HEATR5A: variants seen among roughly 807,000 people sequenced by gnomAD.
The protein encoded by HEATR5A is HEAT repeat-containing protein 5A.
In HEATR5A, 178 loss-of-function variants were observed where a neutral mutation model predicts 218.8. That is an observed-to-expected ratio of 0.81 (90% CI 0.72 to 0.92). The LOEUF is 0.92. Ranked by LOEUF, HEATR5A falls within the 40% of genes least tolerant of loss-of-function variation. The pLI is 0.00. For synonymous variants in HEATR5A, 864 were observed against 871.6 expected, an observed-to-expected ratio of 0.99 and a Z score of 0.15; for missense variants, 2,420 against 2,418.9, an observed-to-expected ratio of 1.00 and a Z score of -0.01.
At chr14:31,359,615 T>C (rs1342356434) in intron 14 of HEATR5A, among the ~76,000 whole-genome samples, 1 of 148,454 alleles carries the variant, frequency 6.7e-6, no homozygotes, top group African/African-American at 2.5e-5. Flanking sequence ...TAACCCCAGC[T>C]ACTCAGAGAC....
chr14:31,302,938 CAAAAAAAA>C (rs747481722), intron 32 of HEATR5A, among the ~76,000 whole-genome samples: 55 of 102,202 alleles, frequency 5.4e-4, no homozygotes, highest in South Asian at 3.4e-3. Context: ...TTCATCTTTA[CAAAAAAAA>C]AAAAAAAAAA....
Position 31,293,966 on chromosome 14 carries a change from T to C in HEATR5A, c.5758A>G (p.Thr1920Ala), listed in dbSNP as rs189196860. The change falls in exon 35 of 36, where the codon ACT (threonine) becomes GCT (alanine). Residue 1920 changes from threonine (T) to alanine (A), a missense_variant. Coordinates refer to ENST00000543095, the MANE Select transcript of HEATR5A (RefSeq NM_015473.4). ...TCTTGGAAGATCTCAAGCTCAGCAG[T>C]GTTTTCAGGTTTTCTCTTGTCTATT... ...QEIDKRKPEN[T>A]AELEIFQEGI... is the part of the protein sequence containing the mutation. 8 of 1,607,792 alleles carry C rather than the reference T, an allele frequency of 5.0e-6. No homozygotes were observed. Among genetic ancestry groups the C allele is most frequent in the Middle Eastern group, 1.7e-4 (1 of 6,058 alleles).
chr14:31,382,836 CT>C (rs951642585), intron 10 of HEATR5A, among the ~76,000 whole-genome samples: 1 of 150,386 alleles, frequency 6.6e-6, no homozygotes, highest in African/African-American at 2.4e-5. Context: ...ATCATGCCAT[CT>C]TTGATCAGTG....
chr14:31,335,541 G>C (rs778637872), intron 22 of HEATR5A, among the ~76,000 whole-genome samples: 3 of 152,118 alleles, frequency 2.0e-5, no homozygotes, highest in Non-Finnish European at 4.4e-5. Flanking sequence ...AAAGAGCATA[G>C]ATTACTGATA....
intron 9 of HEATR5A, among the ~76,000 whole-genome samples, chr14:31,385,476 T>C (rs568067028): frequency 2.0e-5 from 3 of 152,302 alleles, no homozygotes; most frequent in Middle Eastern, 3.4e-3. Context: ...GCAAGTCATT[T>C]ATGACCATAT....
chr14:31,415,186 A>T (rs1005132855), intron 1 of HEATR5A, among the ~76,000 whole-genome samples: 5 of 152,068 alleles, frequency 3.3e-5, no homozygotes, highest in African/African-American at 1.2e-4. Flanking sequence ...TAGCTACCTA[A>T]CCTAAAATTT....
At position 31,312,977 on chromosome 14, in the gene HEATR5A, G is replaced by A. The variant is rs1899806074; in HGVS notation, c.4432C>T (p.Pro1478Ser). The change falls in exon 28 of 36, where the codon CCT (proline) becomes TCT (serine). Residue 1478 changes from proline to serine, a missense_variant. Transcript: ENST00000543095. ...TATTTTATCTCCTTACCTTCAGCAG[G>A]AAGTTGGGAGGCAAATTCTGAAGGC... ...TLPSEFASQLPAEGGAFYTAE... is the reference protein window; with the variant it reads ...TLPSEFASQLSAEGGAFYTAE... The A allele has an allele frequency of 4.3e-6, 7 of 1,609,554 alleles. No individual in the cohort carries two copies. The highest frequency in any genetic ancestry group is 6.0e-6 in the Non-Finnish European group (7 of 1,175,976).
At chr14:31,320,594 A>G in intron 25 of HEATR5A, 1 of 765,810 alleles carries the variant, frequency 1.3e-6, no homozygotes, top group East Asian at 2.7e-5. Flanking sequence ...ACAACAGCAG[A>G]TCAGAGCTGG....
At chr14:31,334,515 A>G in intron 22 of HEATR5A, 1 of 448,494 alleles carries the variant, frequency 2.2e-6, no homozygotes, top group Non-Finnish European at 4.5e-6. Flanking sequence ...ATAAAGTGGT[A>G]GCAGGTTTGA....
chr14:31,363,475 A>G (rs1344448482), intron 14 of HEATR5A, among the ~76,000 whole-genome samples: 1 of 152,178 alleles, frequency 6.6e-6, no homozygotes, highest in Non-Finnish European at 1.5e-5. Flanking sequence ...TTACTTAGAA[A>G]AGGCAGCAGC....
At chr14:31,372,562 C>T (rs1195617256) in intron 12 of HEATR5A, among the ~76,000 whole-genome samples, 4 of 152,134 alleles carry the variant, frequency 2.6e-5, no homozygotes, top group African/African-American at 7.2e-5. Flanking sequence ...GGCGCAGTGG[C>T]TCACACCCGT....
intron 33 of HEATR5A, among the ~76,000 whole-genome samples, chr14:31,298,050 T>G (rs1015900937): frequency 6.6e-6 from 1 of 152,220 alleles, no homozygotes; most frequent in Non-Finnish European, 1.5e-5. Flanking sequence ...TCTTTATTCC[T>G]ACTCTCTTTT....
In HEATR5A at chr14:31,395,203, G is replaced by A. The variant is rs550839386; in HGVS notation, c.593C>T (p.Ala198Val). 6.2e-5 allele frequency: 93 copies of A among 1,504,774 alleles called. No homozygotes were observed. In the African/African-American group the frequency reaches 1.2e-3, roughly 19 times the overall value. The allele number at this position is 1,504,774 out of a possible 1,614,324, so 93.2% of individuals were successfully genotyped here. ...DRSMAVRCAA[A>V]KCLLELQNEA... is the part of the protein sequence containing the mutation. ...CTGCTTATTAGATCATTTTACCTTT[G>A]CAGCAGCACAACGAACAGCCATGGA... The change falls in exon 5 of 36, where the codon GCA becomes GTA. Residue 198 changes from alanine to valine, a missense_variant. Transcript: ENST00000543095.
chr14:31,416,727 T>C (rs1405144818), intron 1 of HEATR5A, among the ~76,000 whole-genome samples: 1 of 152,202 alleles, frequency 6.6e-6, no homozygotes, highest in East Asian at 1.9e-4. Flanking sequence ...TAAATATGTC[T>C]GATTTCTTGT....
At chr14:31,417,260 C>G (rs764725236) in intron 1 of HEATR5A, among the ~76,000 whole-genome samples, 2 of 151,988 alleles carry the variant, frequency 1.3e-5, no homozygotes, top group Non-Finnish European at 1.5e-5. Context: ...CTTCCCTAGA[C>G]TTACAAAAGG....
intron 2 of HEATR5A, among the ~76,000 whole-genome samples, chr14:31,400,841 ATTG>A (rs2030846600): frequency 1.6e-5 from 1 of 63,690 alleles, no homozygotes; most frequent in Non-Finnish European, 2.9e-5. Context: ...TATTATTATT[ATTG>A]TTTTTTTTTT....
At chr14:31,369,631 A>C (rs1488538619) in intron 13 of HEATR5A, among the ~76,000 whole-genome samples, 3 of 148,598 alleles carry the variant, frequency 2.0e-5, no homozygotes, top group African/African-American at 2.5e-5. Flanking sequence ...AAAAAAAAAA[A>C]AAAAACCCAA....
chr14:31,319,548 A>C (rs1900021195), intron 25 of HEATR5A, among the ~76,000 whole-genome samples: 1 of 152,186 alleles, frequency 6.6e-6, no homozygotes, highest in Non-Finnish European at 1.5e-5. Context: ...GAAGACTGCT[A>C]ATCAACTGAT....
chr14:31,408,320 TAA>T (rs1388391099), intron 1 of HEATR5A, among the ~76,000 whole-genome samples: 1 of 152,230 alleles, frequency 6.6e-6, no homozygotes, highest in East Asian at 1.9e-4. Context: ...AAATTTTACT[TAA>T]AGTTTTCCCT....
Sources: allele counts gnomAD v4.1 joint callset (sites outside exome capture counted in the v4.1 genomes callset), GRCh38; gene constraint gnomAD v4.1.1; transcripts MANE v1.5; gene names NCBI Gene and HGNC (gene_info 2026-07-23, HGNC 2026-07-21).